Variants in PGGT1B observed in about 807,000 individuals in gnomAD.
PGGT1B encodes the protein protein geranylgeranyltransferase type I subunit beta.
PGGT1B carries 30 observed loss-of-function variants against 46.1 expected under a neutral mutation model. That is an observed-to-expected ratio of 0.65 (90% CI 0.49 to 0.88). The LOEUF (loss-of-function observed/expected upper bound fraction) is 0.88. Among genes scored for constraint, PGGT1B ranks in the 40% least tolerant of loss-of-function variants. The probability of loss-of-function intolerance (pLI) is 0.00; values close to 1 mark genes in which losing one functional copy is unlikely to be tolerated. For synonymous variants in PGGT1B, 170 were observed against 160.0 expected, an observed-to-expected ratio of 1.06 and a Z score of -0.47; for missense variants, 376 against 455.9, an observed-to-expected ratio of 0.82 and a Z score of 1.60.
intron 5 of PGGT1B, among the ~76,000 whole-genome samples, chr5:115,233,757 C>T (rs1423917946): frequency 6.6e-6 from 1 of 151,624 alleles, no homozygotes; most frequent in African/African-American, 2.4e-5. Flanking sequence ...TTTCGACTAC[C>T]AGAAAAAAAG....
chr5:115,239,840 G>C (rs1266088918), intron 3 of PGGT1B, among the ~76,000 whole-genome samples: 1 of 152,198 alleles, frequency 6.6e-6, no homozygotes, highest in African/African-American at 2.4e-5. Context: ...AAAGGAAATT[G>C]TGACAATAGT....
At position 115,249,881 on chromosome 5, in the gene PGGT1B, C is replaced by T. The variant is rs973744142; in HGVS notation, c.259+3256G>A. ...TTATGTAACTTTCACTTTTGATGAA[C>T]ATTTATTTTGTAACATTGTTTTGAC... On this transcript the variant is annotated intron_variant, in intron 2 of 8. Coordinates refer to ENST00000419445, the MANE Select transcript of PGGT1B (RefSeq NM_005023.4). 2.0e-5 allele frequency among the ~76,000 whole-genome samples: 3 copies of T among 152,132 alleles called. No homozygotes were observed. The East Asian group carries it at 5.8e-4, about 29-fold the overall frequency.
At chr5:115,218,981 G>C (rs908897373) in intron 7 of PGGT1B, among the ~76,000 whole-genome samples, 1 of 151,848 alleles carries the variant, frequency 6.6e-6, no homozygotes, top group Non-Finnish European at 1.5e-5. Context: ...AAAGCATCCT[G>C]TGCTCATGGA....
At position 115,231,017 on chromosome 5, in the gene PGGT1B, T is replaced by C. The variant is rs200589388; in HGVS notation, c.617A>G (p.Tyr206Cys). The C allele has an allele frequency of 3.9e-6, 6 of 1,536,192 alleles. No individual in the cohort carries two copies. Among genetic ancestry groups the C allele is most frequent in the East Asian group, 2.3e-5 (1 of 43,704 alleles). Residue 206 changes from tyrosine to cysteine, a missense_variant, in exon 6 of 9, where the codon TAT becomes TGT. Physicochemically the swap from Tyr to Cys is radical, Grantham distance 194. Around this residue, in one of 2 missense-constraint regions of PGGT1B, gnomAD observed 222 missense variants for 313.6 expected, o/e 0.71. Transcript: ENST00000419445. ...AGCTCCCTGTGCCAGTCCATTGTCATAGGACTGAAAAAGAAAAACATTGTT... is the reference window on the plus strand; with the variant it reads ...AGCTCCCTGTGCCAGTCCATTGTCACAGGACTGAAAAAGAAAAACATTGTT... ...AITYIRRSMS[Y>C]DNGLAQGAGL...
intron 2 of PGGT1B, among the ~76,000 whole-genome samples, chr5:115,244,181 A>T (rs1747694178): frequency 6.6e-6 from 1 of 152,036 alleles, no homozygotes; most frequent in Non-Finnish European, 1.5e-5. Flanking sequence ...TCTACCTAAC[A>T]CAGGTTGGGC....
In PGGT1B at chr5:115,259,612, C is replaced by T. The variant is rs142103753; in HGVS notation, c.140+3100G>A. Among the ~76,000 whole-genome samples the T allele has an allele frequency of 1.6e-4, 24 of 148,880 alleles. 1 individual carries two copies. The East Asian group carries it at 4.7e-3, about 29-fold the overall frequency. ...GCTGAGGCAGGAGAATCGCTTGAAC[C>T]CAGGAGGCGGAGGCTGCAGTGAGGA... On this transcript the variant is annotated intron_variant, in intron 1 of 8. Coordinates refer to ENST00000419445, the MANE Select transcript of PGGT1B (RefSeq NM_005023.4).
At chr5:115,228,081 A>G (rs189829581) in intron 6 of PGGT1B, among the ~76,000 whole-genome samples, 2 of 152,352 alleles carry the variant, frequency 1.3e-5, no homozygotes, top group Admixed American at 1.3e-4. Flanking sequence ...TTATTTCTGA[A>G]TAGCATCAAC....
chr5:115,205,863 T>A lies in PGGT1B; in HGVS notation c.*6539A>T, dbSNP rs2126979139. The A allele has an allele frequency of 6.6e-6, 1 of 152,158 alleles. No homozygotes were observed. Among genetic ancestry groups the A allele is most frequent in the South Asian group, 2.1e-4 (1 of 4,828 alleles). 9.4% of individuals were successfully genotyped at this position (152,158 alleles called of 1,614,324 possible). A position where few individuals can be genotyped will look rare whatever the true frequency, so the allele number is the denominator to read the frequency against. The stretch of plus-strand genomic sequence containing the variant: ...CCTTATCTATAAATTTAAAGAAACA[T>A]GCAAATGGGCAATTATACATTTTCA... On this transcript the variant is annotated 3_prime_UTR_variant, in exon 9 of 9. Transcript: ENST00000419445.
In PGGT1B at chr5:115,231,008, C is replaced by G. The variant is rs1318393191; in HGVS notation, c.626G>C (p.Gly209Ala). The change falls in exon 6 of 9, where the codon GGA (glycine) becomes GCA (alanine). Residue 209 changes from glycine (G) to alanine (A), a missense_variant. By Grantham distance (60) the Gly-to-Ala change is moderately conservative. Transcript: ENST00000419445. ...YIRRSMSYDN[G>A]LAQGAGLESH... The stretch of plus-strand genomic sequence containing the variant: ...TTCAAGTCCAGCTCCCTGTGCCAGT[C>G]CATTGTCATAGGACTGAAAAAGAAA... The G allele has an allele frequency of 6.4e-7, 1 of 1,561,892 alleles. No individual in the cohort carries two copies. Among genetic ancestry groups the G allele is most frequent in the Non-Finnish European group, 8.8e-7 (1 of 1,142,712 alleles).
rs974138976 is a variant in PGGT1B, at chr5:115,205,933, T to C, written c.*6469A>G. On this transcript the variant is annotated 3_prime_UTR_variant, in exon 9 of 9. Coordinates refer to ENST00000419445, the MANE Select transcript of PGGT1B (RefSeq NM_005023.4). ...TTTGTAGTTGTGAAAAATAAGGCAC[T>C]GATTAATCAGTGCCTCATTTGCCAT... 3 of 61,626 alleles carry C rather than the reference T, an allele frequency of 4.9e-5. No individual in the cohort carries two copies. The highest frequency in any genetic ancestry group is 1.9e-4 in the African/African-American group (1 of 5,404). The allele number at this position is 61,626 out of a possible 1,614,324, so 3.8% of individuals were successfully genotyped here.
rs10633839 is a variant in PGGT1B, at chr5:115,205,936, T to TTAAA, written c.*6465_*6466insTTTA. The TTAAA allele has an allele frequency of 6.6e-6, 1 of 150,944 alleles. No homozygotes were observed. Among genetic ancestry groups the TTAAA allele is most frequent in the Non-Finnish European group, 1.5e-5 (1 of 67,492 alleles). The allele number at this position is 150,944 out of a possible 1,614,324, so 9.4% of individuals were successfully genotyped here. A position where few individuals can be genotyped will look rare whatever the true frequency, so the allele number is the denominator to read the frequency against. On this transcript the variant is annotated 3_prime_UTR_variant, in exon 9 of 9. Coordinates refer to ENST00000419445, the MANE Select transcript of PGGT1B (RefSeq NM_005023.4). ...GTAGTTGTGAAAAATAAGGCACTGA[T>TTAAA]TAATCAGTGCCTCATTTGCCATTAA...
chr5:115,227,094 G>A (rs1756812374), intron 6 of PGGT1B, among the ~76,000 whole-genome samples: 1 of 152,106 alleles, frequency 6.6e-6, no homozygotes, highest in African/African-American at 2.4e-5. Flanking sequence ...GGTCTACAAA[G>A]CTAGACTGGA....
rs1421178090 is a variant in PGGT1B at position 115,253,166 on chromosome 5, T to C, written c.230A>G (p.Tyr77Cys). 6.2e-7 allele frequency: 1 copy of C among 1,607,046 alleles called. No homozygotes were observed. ...VNKDDIIEWI[Y>C]SLQVLPTEDR... ...TTCTGTGGGAAGGACCTGCAGGGAA[T>C]AAATCCACTCTATTATATCATCTTT... Residue 77 changes from tyrosine to cysteine, a missense_variant, in exon 2 of 9, where the codon TAT becomes TGT. Physicochemically the swap from Tyr to Cys is radical, Grantham distance 194. This residue lies in a region of PGGT1B where 154 missense variants were observed against 142.3 expected (regional missense o/e 1.08). Transcript: ENST00000419445.
intron 7 of PGGT1B, among the ~76,000 whole-genome samples, chr5:115,220,915 G>A (rs1185423047): frequency 1.3e-5 from 2 of 151,888 alleles, no homozygotes. Context: ...TGAAGAAAGG[G>A]TAGCTTTCGG....
intron 7 of PGGT1B, among the ~76,000 whole-genome samples, chr5:115,219,908 T>G (rs1369376259): frequency 6.6e-6 from 1 of 151,786 alleles, no homozygotes; most frequent in Non-Finnish European, 1.5e-5. Flanking sequence ...GGATGGCTAT[T>G]ATATTAATAT....
At chr5:115,233,022 C>T (rs543617021) in intron 5 of PGGT1B, among the ~76,000 whole-genome samples, 44 of 151,964 alleles carry the variant, frequency 2.9e-4, no homozygotes, top group African/African-American at 9.6e-4. Flanking sequence ...AAGCATACTG[C>T]ATTACAATGA....
intron 3 of PGGT1B, among the ~76,000 whole-genome samples, chr5:115,238,795 T>C (rs530324358): frequency 6.6e-6 from 1 of 152,208 alleles, no homozygotes; most frequent in Non-Finnish European, 1.5e-5. Context: ...CACAAGGTTA[T>C]TGTGACGATT....
chr5:115,228,861 T>C (rs532988913), intron 6 of PGGT1B, among the ~76,000 whole-genome samples: 27 of 152,232 alleles, frequency 1.8e-4, no homozygotes, highest in Middle Eastern at 6.8e-3. Context: ...AGATATTGGA[T>C]TTGAAATACA....
chr5:115,212,753 A>G (rs1756274274), intron 8 of PGGT1B, among the ~76,000 whole-genome samples, 170 bp from the exon 9 acceptor site: 1 of 152,180 alleles, frequency 6.6e-6, no homozygotes, highest in Non-Finnish European at 1.5e-5. Flanking sequence ...CACCAATTAA[A>G]AAAAAAACTC....
Sources: allele counts gnomAD v4.1 joint callset (sites outside exome capture counted in the v4.1 genomes callset), GRCh38; gene constraint gnomAD v4.1.1; regional missense constraint gnomAD v4.1.1; transcripts MANE v1.5; gene names NCBI Gene and HGNC (gene_info 2026-07-23, HGNC 2026-07-21).